PGS1: variants seen among roughly 807,000 people sequenced by gnomAD.
PGS1 encodes the protein phosphatidylglycerophosphate synthase 1, also known as CDP-diacylglycerol--glycerol-3-phosphate 3-phosphatidyltransferase, mitochondrial.
Under a neutral mutation model 58.3 loss-of-function variants are expected in PGS1, and 44 were observed. The ratio of observed to expected loss-of-function variants is 0.75; its 90% CI spans 0.59 to 0.97. PGS1 has a LOEUF of 0.97. Among genes scored for constraint, PGS1 ranks in the 50% least tolerant of loss-of-function variants. The pLI is 0.00. For missense variants in PGS1, 684 were observed against 731.1 expected (o/e 0.94, Z 0.74); for synonymous variants, 330 against 311.0 (o/e 1.06, Z -0.64).
At chr17:78,416,419 A>G (rs1198912972) in intron 8 of PGS1, among the ~76,000 whole-genome samples, 1 of 152,094 alleles carries the variant, frequency 6.6e-6, no homozygotes, top group East Asian at 1.9e-4. Context: ...CCAGGGCGGT[A>G]GAGAGTCCTT....
chr17:78,388,684 A>G (rs1181740653), intron 1 of PGS1, among the ~76,000 whole-genome samples: 2 of 151,926 alleles, frequency 1.3e-5, no homozygotes, highest in Non-Finnish European at 2.9e-5. Flanking sequence ...TTCCTGCCTG[A>G]AACACCCTCC....
intron 2 of PGS1, among the ~76,000 whole-genome samples, chr17:78,394,938 C>G (rs1025318944): frequency 1.3e-5 from 2 of 152,202 alleles, no homozygotes; most frequent in African/African-American, 4.8e-5. Flanking sequence ...ATAGTGATCC[C>G]CTGGCCAGGA....
chr17:78,412,495 G>A (rs959846670), intron 7 of PGS1, among the ~76,000 whole-genome samples: 2 of 152,236 alleles, frequency 1.3e-5, no homozygotes, highest in African/African-American at 2.4e-5. Context: ...GCGGTTGTGC[G>A]TATGATGAAG....
At chr17:78,399,598 A>G in intron 5 of PGS1, 61 bp downstream of exon 5, 2 of 1,543,728 alleles carry the variant, frequency 1.3e-6, no homozygotes, top group Non-Finnish European at 1.8e-6. Context: ...AGGGCAGTGG[A>G]ATAGGAACAG....
chr17:78,401,391 C>T (rs2083650625), intron 6 of PGS1, among the ~76,000 whole-genome samples: 1 of 152,224 alleles, frequency 6.6e-6, no homozygotes, highest in African/African-American at 2.4e-5. Flanking sequence ...CCCTTGAGCT[C>T]TGTGGCCCCC....
chr17:78,399,294 G>C lies in PGS1; in HGVS notation c.512-54G>C, dbSNP rs2083472050. 3 of 1,442,980 alleles carry C rather than the reference G, an allele frequency of 2.1e-6. No homozygotes were observed. The Admixed American group carries it at 5.1e-5, about 25-fold the overall frequency. The allele number at this position is 1,442,980 out of a possible 1,614,324, so 89.4% of individuals were successfully genotyped here. A position where few individuals can be genotyped will look rare whatever the true frequency, so the allele number is the denominator to read the frequency against. ...CACGTGGAGGTGGCTCCTCATTGGG[G>C]GCAGGACGCCTTCCTGTTGTGAGTC... On this transcript the variant is annotated intron_variant, in intron 4 of 9. Coordinates refer to ENST00000262764, the MANE Select transcript of PGS1 (RefSeq NM_024419.5).
At chr17:78,420,359 G>A in intron 9 of PGS1, 1 of 371,136 alleles carries the variant, frequency 2.7e-6, no homozygotes, top group Non-Finnish European at 3.7e-6. Flanking sequence ...AGAGGTCCGG[G>A]CAGGGGGTGG....
intron 1 of PGS1, among the ~76,000 whole-genome samples, chr17:78,391,325 T>TTTGA (rs775977733): frequency 2.6e-5 from 4 of 152,102 alleles, no homozygotes; most frequent in African/African-American, 9.7e-5. Context: ...CGAGTCTGAT[T>TTTGA]TTGATTGATT....
chr17:78,391,921 G>A (rs1377124821), intron 1 of PGS1, among the ~76,000 whole-genome samples: 1 of 152,178 alleles, frequency 6.6e-6, no homozygotes, highest in Non-Finnish European at 1.5e-5. Context: ...ACCATGCTCG[G>A]CATAAATTGG....
intron 6 of PGS1, among the ~76,000 whole-genome samples, chr17:78,402,051 AG>A (rs11321162): frequency 0.61 from 93,147 of 151,632 alleles, 28,656 homozygotes; most frequent in Admixed American, 0.65. Context: ...GGGTGTGCGC[AG>A]GGCCCCCCGG....
chr17:78,396,160 C>T (rs1432719122), intron 2 of PGS1, 148 bp from the exon 3 acceptor site: 12 of 650,584 alleles, frequency 1.8e-5, no homozygotes, highest in South Asian at 1.2e-4. Flanking sequence ...TTACCATACA[C>T]GTTTCGAGCT....
chr17:78,414,958 T>C lies in PGS1; in HGVS notation c.1482T>C (p.Val494=). The C allele has an allele frequency of 2.5e-6, 4 of 1,613,878 alleles. No individual in the cohort carries two copies. In the Admixed American group the frequency reaches 5.0e-5, roughly 20 times the overall value. Residue 494 remains valine, a synonymous_variant, in exon 8 of 10, where the codon GTT becomes GTC. Coordinates refer to ENST00000262764, the MANE Select transcript of PGS1 (RefSeq NM_024419.5). ...IGSPNFGYRS[V]HRDLEAQIAI... ...CTCCTAATTTTGGGTACAGGTCAGT[T>C]CACCGGGACCTGGAGGCCCAGATTG...
At chr17:78,410,773 T>C (rs371898313) in intron 7 of PGS1, among the ~76,000 whole-genome samples, 12 of 152,154 alleles carry the variant, frequency 7.9e-5, no homozygotes, top group African/African-American at 1.4e-4. Flanking sequence ...CGCCTGGCCG[T>C]CAGAGCTTTT....
At chr17:78,404,199 T>G in intron 7 of PGS1, 110 bp downstream of exon 7, 1 of 1,218,082 alleles carries the variant, frequency 8.2e-7, no homozygotes, top group Non-Finnish European at 1.1e-6. Flanking sequence ...TCTCCCTTCC[T>G]ACCTTCCCAG....
intron 1 of PGS1, 90 bp from the exon 2 acceptor site, chr17:78,392,386 C>A (rs1239496089): frequency 1.1e-6 from 1 of 869,658 alleles, no homozygotes; most frequent in Non-Finnish European, 1.8e-6. Context: ...ATCTCCCAGC[C>A]CCTCTTCACT....
chr17:78,384,972 C>T (rs1159274502), intron 1 of PGS1, among the ~76,000 whole-genome samples: 3 of 152,228 alleles, frequency 2.0e-5, no homozygotes, highest in African/African-American at 7.2e-5. Flanking sequence ...CCGGTAGGGC[C>T]TCCAGGCGCT....
In PGS1 at chr17:78,401,000, A is replaced by G; in HGVS notation, c.880+145A>G. 2 of 697,686 alleles carry G rather than the reference A, an allele frequency of 2.9e-6. No individual in the cohort carries two copies. The highest frequency in any genetic ancestry group is 4.7e-6 in the Non-Finnish European group (2 of 423,512). 43.2% of individuals were successfully genotyped at this position (697,686 alleles called of 1,614,324 possible). A position where few individuals can be genotyped will look rare whatever the true frequency, so the allele number is the denominator to read the frequency against. ...TCTGCTTTTGTCCTTGAAGCCAGAC[A>G]GATGTGACTCACTGACCATCAGTCA... On this transcript the variant is annotated intron_variant, in intron 6 of 9. Transcript: ENST00000262764. This position sits in a 1 kb window ranked among gnomAD's most constrained non-coding sequence, Gnocchi z 4.4.
At chr17:78,412,368 C>T (rs1039928930) in intron 7 of PGS1, among the ~76,000 whole-genome samples, 15 of 152,194 alleles carry the variant, frequency 9.9e-5, no homozygotes, top group Non-Finnish European at 1.8e-4. Context: ...ATCCTGAGCA[C>T]TCACCTGCTG....
intron 8 of PGS1, among the ~76,000 whole-genome samples, chr17:78,417,595 A>G (rs1272221285): frequency 6.6e-6 from 1 of 152,116 alleles, no homozygotes; most frequent in Non-Finnish European, 1.5e-5. Context: ...AGGAGTTGCC[A>G]GGGCTGTGTC....
Sources: gnomAD v4.1 joint callset for allele counts (sites outside exome capture counted in the v4.1 genomes callset) on GRCh38, gnomAD v4.1.1 for gene constraint, Gnocchi (gnomAD v3.1) non-coding constraint, MANE v1.5 for transcripts, NCBI Gene and HGNC (gene_info 2026-07-23, HGNC 2026-07-21) for gene names.